Variants in CAST observed in about 807,000 individuals in gnomAD.
CAST encodes MIR583 host.
In CAST, 76 loss-of-function variants were observed where a neutral mutation model predicts 119.6. That is an observed-to-expected ratio of 0.64 (90% CI 0.53 to 0.77). The LOEUF (loss-of-function observed/expected upper bound fraction) is 0.77, where lower values mean the gene tolerates loss of function less well. CAST is among the 30% of genes least tolerant of loss of function. The probability of loss-of-function intolerance (pLI) is 0.00; values close to 1 mark genes in which losing one functional copy is unlikely to be tolerated. For missense variants in CAST, 953 were observed against 946.5 expected (o/e 1.01, Z -0.09); for synonymous variants, 319 against 331.6 (o/e 0.96, Z 0.41).
chr5:96,007,439 T>C, the CAST span, among the ~76,000 whole-genome samples: 1 of 152,226 alleles, frequency 6.6e-6, no homozygotes, highest in African/African-American at 2.4e-5. Flanking sequence ...GTTATAACTC[T>C]TTTGCAGGCT....
chr5:95,995,164 G>A, the CAST span, among the ~76,000 whole-genome samples: 1 of 152,088 alleles, frequency 6.6e-6, no homozygotes, highest in East Asian at 1.9e-4. Flanking sequence ...CCATGGAGAA[G>A]GACTGAGGTA....
intron 1 of CAST, among the ~76,000 whole-genome samples, chr5:96,597,479 C>A (rs1010190998): frequency 7.2e-5 from 11 of 152,306 alleles, no homozygotes; most frequent in Non-Finnish European, 1.5e-4. Context: ...ATCCCAGCTA[C>A]ATGAAGTGCC....
chr5:96,502,543 A>C, the CAST span, among the ~76,000 whole-genome samples: 1 of 152,092 alleles, frequency 6.6e-6, no homozygotes, highest in East Asian at 1.9e-4. Flanking sequence ...CAATTCAAAG[A>C]TGTATAAAAA....
the CAST span, among the ~76,000 whole-genome samples, chr5:96,023,747 C>T: frequency 4.0e-5 from 6 of 151,746 alleles, no homozygotes; most frequent in Admixed American, 2.0e-4. Context: ...ATGAGTCAAG[C>T]TTACAGTCCT....
chr5:96,400,687 T>TCC, the CAST span, among the ~76,000 whole-genome samples: 2 of 152,222 alleles, frequency 1.3e-5, no homozygotes, highest in East Asian at 3.8e-4. Flanking sequence ...CCTTTTTCTT[T>TCC]ATCTATCAAA....
At chr5:96,051,965 A>G in the CAST span, among the ~76,000 whole-genome samples, 2 of 152,170 alleles carry the variant, frequency 1.3e-5, no homozygotes, top group East Asian at 1.9e-4. Flanking sequence ...TAACATTCCA[A>G]AACAAGAGAA....
At chr5:96,188,934 T>C in the CAST span, among the ~76,000 whole-genome samples, 8 of 152,252 alleles carry the variant, frequency 5.3e-5, no homozygotes, top group Admixed American at 1.3e-4. Flanking sequence ...TTAGAACTTA[T>C]GTTTTTGTAC....
At chr5:96,763,008 C>T in intron 25 of CAST, 2 of 661,348 alleles carry the variant, frequency 3.0e-6, no homozygotes, top group South Asian at 3.3e-5. Context: ...TTATACATTA[C>T]CAAGGAGACC....
intron 4 of CAST, among the ~76,000 whole-genome samples, chr5:96,723,002 G>A (rs1477836147): frequency 3.3e-5 from 5 of 151,814 alleles, no homozygotes; most frequent in East Asian, 3.9e-4. Flanking sequence ...GGAGTATAGT[G>A]GTGTGATTAC....
At chr5:96,753,309 T>C (rs1284438994) in intron 20 of CAST, among the ~76,000 whole-genome samples, 1 of 152,154 alleles carries the variant, frequency 6.6e-6, no homozygotes. Flanking sequence ...CCTGTTCTCT[T>C]CATTAAAAAA....
chr5:95,992,302 C>A, the CAST span, among the ~76,000 whole-genome samples: 1 of 152,040 alleles, frequency 6.6e-6, no homozygotes, highest in Non-Finnish European at 1.5e-5. Flanking sequence ...AATCAAAATC[C>A]TAGCAAGCAT....
the CAST span, among the ~76,000 whole-genome samples, chr5:95,980,111 C>G: frequency 6.6e-6 from 1 of 151,836 alleles, no homozygotes; most frequent in Non-Finnish European, 1.5e-5. Flanking sequence ...GAGTGAGACT[C>G]CATCTCAAAA....
At chr5:96,605,240 C>G (rs924133480) in intron 1 of CAST, among the ~76,000 whole-genome samples, 8 of 152,210 alleles carry the variant, frequency 5.3e-5, no homozygotes, top group African/African-American at 1.9e-4. Flanking sequence ...CCCCTTCCCC[C>G]TCCCCATCAC....
At chr5:96,708,027 T>G (rs1264717260) in intron 3 of CAST, among the ~76,000 whole-genome samples, 1 of 152,206 alleles carries the variant, frequency 6.6e-6, no homozygotes, top group Non-Finnish European at 1.5e-5. Flanking sequence ...TTCCTTATTG[T>G]GAATGTAGGA....
the CAST span, among the ~76,000 whole-genome samples, chr5:96,069,903 G>A: frequency 3.3e-5 from 5 of 151,984 alleles, no homozygotes; most frequent in Admixed American, 3.3e-4. Flanking sequence ...TGTAATCTCA[G>A]CACTTTGGGT....
At chr5:96,248,232 T>A in the CAST span, among the ~76,000 whole-genome samples, 2 of 152,218 alleles carry the variant, frequency 1.3e-5, no homozygotes, top group Non-Finnish European at 2.9e-5. Context: ...TTTTTGAAAG[T>A]GTGTTTCATT....
At chr5:96,118,555 A>G in the CAST span, among the ~76,000 whole-genome samples, 2 of 152,084 alleles carry the variant, frequency 1.3e-5, no homozygotes, top group African/African-American at 4.8e-5. Context: ...AAATATTTAC[A>G]TAAATGTCTA....
the CAST span, among the ~76,000 whole-genome samples, chr5:96,165,866 T>C: frequency 6.6e-6 from 1 of 152,264 alleles, no homozygotes; most frequent in African/African-American, 2.4e-5. Context: ...ACTGGAGGAA[T>C]ATTTACTAAG....
chr5:96,433,531 A>C, the CAST span, among the ~76,000 whole-genome samples: 1 of 152,128 alleles, frequency 6.6e-6, no homozygotes. Flanking sequence ...CCAAGAATCA[A>C]AGGCTGGGAG....
Sources: gnomAD v4.1 joint callset for allele counts (sites outside exome capture counted in the v4.1 genomes callset) on GRCh38, gnomAD v4.1.1 for gene constraint, MANE v1.5 for transcripts, NCBI Gene and HGNC (gene_info 2026-07-23, HGNC 2026-07-21) for gene names.